The following PTPN4 variants were observed in gnomAD, a reference collection of about 807,000 sequenced individuals.
The protein encoded by PTPN4 is protein tyrosine phosphatase non-receptor type 4, also known as tyrosine-protein phosphatase non-receptor type 4.
In PTPN4, 49 loss-of-function variants were observed where a neutral mutation model predicts 135.5. The ratio of observed to expected loss-of-function variants is 0.36; its 90% CI spans 0.29 to 0.46. The LOEUF (loss-of-function observed/expected upper bound fraction) is 0.46. Ranked by LOEUF, PTPN4 falls within the 20% of genes least tolerant of loss-of-function variation. The probability of loss-of-function intolerance (pLI) is 1.00; values close to 1 mark genes in which losing one functional copy is unlikely to be tolerated. For missense variants in PTPN4, 860 were observed against 1,101.0 expected (o/e 0.78, Z 3.10); for synonymous variants, 333 against 369.9 (o/e 0.90, Z 1.14).
chr2:119,766,463 T>TATGCGCAGGTG (rs1690628843), intron 1 of PTPN4, among the ~76,000 whole-genome samples: 2 of 129,280 alleles, frequency 1.5e-5, no homozygotes, highest in Admixed American at 7.4e-5. Context: ...TGTGTGTGTG[T>TATGCGCAGGTG]GTGTGTGTGT....
At chr2:119,776,377 A>C (rs1690837145) in intron 1 of PTPN4, among the ~76,000 whole-genome samples, 1 of 152,056 alleles carries the variant, frequency 6.6e-6, no homozygotes, top group Non-Finnish European at 1.5e-5. Flanking sequence ...GGTTTCACCA[A>C]GTTAGCCAGG....
chr2:119,825,222 C>T (rs995266263), intron 2 of PTPN4, among the ~76,000 whole-genome samples: 6 of 152,138 alleles, frequency 3.9e-5, no homozygotes, highest in African/African-American at 1.2e-4. Context: ...TCTGTAGAAA[C>T]AGCTTTTTTT....
In PTPN4 at chr2:119,885,924, C is replaced by T. The variant is rs888130228; in HGVS notation, c.675+42C>T. 12 of 1,320,858 alleles carry T rather than the reference C, an allele frequency of 9.1e-6. No individual in the cohort carries two copies. The Admixed American group carries it at 2.6e-4, about 28-fold the overall frequency. The allele number at this position is 1,320,858 out of a possible 1,614,324, so 81.8% of individuals were successfully genotyped here. A position where few individuals can be genotyped will look rare whatever the true frequency, so the allele number is the denominator to read the frequency against. ...TACTTTGATGTTGTTGAGTTAGGCT[C>T]CGTTACTCAATATAACATTTTTTAA... On this transcript the variant is annotated intron_variant, in intron 9 of 26. Transcript: ENST00000263708.
At chr2:119,935,100 C>T in intron 15 of PTPN4, 142 bp downstream of exon 15, 2 of 986,420 alleles carry the variant, frequency 2.0e-6, no homozygotes, top group Non-Finnish European at 2.9e-6. Context: ...CAATTATGCT[C>T]ATTTGTTCCT....
chr2:119,926,866 A>G (rs1463389980), intron 13 of PTPN4, among the ~76,000 whole-genome samples, 200 bp downstream of exon 13: 1 of 152,086 alleles, frequency 6.6e-6, no homozygotes, highest in Non-Finnish European at 1.5e-5. Context: ...CATTTTTTAT[A>G]TTAATAGTGT....
At chr2:119,815,894 A>G (rs961909540) in intron 2 of PTPN4, among the ~76,000 whole-genome samples, 1 of 152,204 alleles carries the variant, frequency 6.6e-6, no homozygotes, top group African/African-American at 2.4e-5. Flanking sequence ...ACAGATCTTC[A>G]TTATATAACT....
intron 3 of PTPN4, among the ~76,000 whole-genome samples, chr2:119,873,649 G>A (rs1677945634): frequency 6.6e-6 from 1 of 152,084 alleles, no homozygotes; most frequent in Non-Finnish European, 1.5e-5. Context: ...TTCATGAATG[G>A]GGTTGATGAT....
intron 15 of PTPN4, chr2:119,935,200 C>A: frequency 4.5e-6 from 2 of 443,722 alleles, no homozygotes; most frequent in Non-Finnish European, 7.9e-6. Context: ...AGTATATAAA[C>A]TCAAATATTT....
chr2:119,790,906 G>A (rs1234525658), intron 1 of PTPN4, among the ~76,000 whole-genome samples: 2 of 152,114 alleles, frequency 1.3e-5, no homozygotes, highest in Non-Finnish European at 2.9e-5. Context: ...GGGGGGAACT[G>A]CAACTTAATT....
chr2:119,867,572 A>T (rs1279183214), intron 3 of PTPN4, among the ~76,000 whole-genome samples: 1 of 152,188 alleles, frequency 6.6e-6, no homozygotes, highest in Non-Finnish European at 1.5e-5. Context: ...AATACAGTTA[A>T]GTTTGTGTAT....
At chr2:119,950,127 C>T (rs1679191008) in intron 18 of PTPN4, among the ~76,000 whole-genome samples, 1 of 151,988 alleles carries the variant, frequency 6.6e-6, no homozygotes, top group African/African-American at 2.4e-5. Context: ...TTTTTTCTGC[C>T]AACTACACTA....
At chr2:119,852,846 T>TTTTTG (rs373301209) in intron 2 of PTPN4, among the ~76,000 whole-genome samples, 303 of 152,196 alleles carry the variant, frequency 2.0e-3, no homozygotes, top group Non-Finnish European at 3.0e-3. Context: ...TCAGTGGTTT[T>TTTTTG]TTTTGTTTTG....
At chr2:119,932,639 AC>A (rs1672500946) in intron 14 of PTPN4, 90 bp downstream of exon 14, 9 of 1,392,578 alleles carry the variant, frequency 6.5e-6, no homozygotes, top group Non-Finnish European at 8.8e-6. Context: ...AGACAAAGAT[AC>A]GCAAAAATTG....
At chr2:119,877,631 G>A in intron 5 of PTPN4, 89 bp downstream of exon 5, 1 of 1,423,542 alleles carries the variant, frequency 7.0e-7, no homozygotes, top group South Asian at 1.5e-5. Flanking sequence ...AAATTACTGT[G>A]GTGTAATTCT....
At chr2:119,790,769 T>G (rs1202654111) in intron 1 of PTPN4, among the ~76,000 whole-genome samples, 1 of 152,170 alleles carries the variant, frequency 6.6e-6, no homozygotes, top group Non-Finnish European at 1.5e-5. Flanking sequence ...TCTATTATTG[T>G]TTGTTTGTTG....
At chr2:119,855,572 G>A (rs924148643) in intron 2 of PTPN4, among the ~76,000 whole-genome samples, 6 of 152,290 alleles carry the variant, frequency 3.9e-5, no homozygotes, top group East Asian at 1.9e-4. Context: ...TTACGATGCC[G>A]TTTGGAATTT....
At chr2:119,957,113 A>G in intron 22 of PTPN4, 36 bp downstream of exon 22, 6 of 1,553,746 alleles carry the variant, frequency 3.9e-6, no homozygotes, top group Non-Finnish European at 5.3e-6. Flanking sequence ...GCCATTTGGA[A>G]AAATACGAGC....
At chr2:119,861,673 G>T (rs1023601433) in intron 2 of PTPN4, among the ~76,000 whole-genome samples, 1 of 152,086 alleles carries the variant, frequency 6.6e-6, no homozygotes, top group Non-Finnish European at 1.5e-5. Context: ...TTTGCCCATG[G>T]CATGTCATTA....
At chr2:119,945,403 A>G (rs1679117942) in intron 16 of PTPN4, among the ~76,000 whole-genome samples, 163 bp downstream of exon 16, 1 of 152,072 alleles carries the variant, frequency 6.6e-6, no homozygotes, top group African/African-American at 2.4e-5. Context: ...GTATCTCAAT[A>G]TAAGTTCTAT....
Sources: gnomAD v4.1 joint callset for allele counts (sites outside exome capture counted in the v4.1 genomes callset) on GRCh38, gnomAD v4.1.1 for gene constraint, MANE v1.5 for transcripts, NCBI Gene and HGNC (gene_info 2026-07-23, HGNC 2026-07-21) for gene names.